Variants in CCDC141 observed in about 807,000 individuals in gnomAD.
The protein encoded by CCDC141 is coiled-coil domain-containing protein 141.
A neutral mutation model predicts 181.0 loss-of-function variants in CCDC141; 168 were observed. The ratio of observed to expected loss-of-function variants is 0.93; its 90% confidence interval spans 0.82 to 1.05. CCDC141 has a LOEUF of 1.05. CCDC141 is among the 50% of genes least tolerant of loss of function. The pLI, the probability that CCDC141 is intolerant of heterozygous loss-of-function variation, is 0.00. For synonymous variants in CCDC141, 666 were observed against 642.3 expected (o/e 1.04, Z -0.56); for missense variants, 1,902 against 1,788.5 (o/e 1.06, Z -1.14).
chr2:178,949,015 A>G (rs1316322006), intron 5 of CCDC141, among the ~76,000 whole-genome samples: 1 of 152,214 alleles, frequency 6.6e-6, no homozygotes, highest in Non-Finnish European at 1.5e-5. Context: ...AAGCAGAAGT[A>G]ACAAAGGGGC....
At chr2:178,969,696 T>C (rs571184457) in intron 4 of CCDC141, among the ~76,000 whole-genome samples, 2 of 152,264 alleles carry the variant, frequency 1.3e-5, no homozygotes, top group African/African-American at 4.8e-5. Flanking sequence ...TTGGAAGCAT[T>C]TCCTTTGAAA....
chr2:179,031,164 ATT>A (rs2042989154), intron 2 of CCDC141, among the ~76,000 whole-genome samples: 2 of 151,354 alleles, frequency 1.3e-5, no homozygotes, highest in Non-Finnish European at 2.9e-5. Flanking sequence ...ATTTATATAT[ATT>A]GGGATAAATT....
At chr2:178,967,007 T>C (rs1212139525) in intron 4 of CCDC141, among the ~76,000 whole-genome samples, 1 of 151,748 alleles carries the variant, frequency 6.6e-6, no homozygotes, top group African/African-American at 2.4e-5. Context: ...ATATCAGTGA[T>C]TGAAGACCAA....
intron 2 of CCDC141, among the ~76,000 whole-genome samples, chr2:179,046,495 G>T (rs1277441757): frequency 6.6e-6 from 1 of 152,222 alleles, no homozygotes; most frequent in Non-Finnish European, 1.5e-5. Flanking sequence ...TGTGGCCAAG[G>T]TGAAGCTTAA....
intron 7 of CCDC141, among the ~76,000 whole-genome samples, chr2:178,917,581 G>T (rs781735743): frequency 6.6e-6 from 1 of 152,070 alleles, no homozygotes; most frequent in African/African-American, 2.4e-5. Context: ...CACATTGTCC[G>T]TTTTGAAAAC....
chr2:178,858,570 A>C (rs1685480553), intron 17 of CCDC141, among the ~76,000 whole-genome samples: 1 of 152,190 alleles, frequency 6.6e-6, no homozygotes, highest in Non-Finnish European at 1.5e-5. Context: ...TGATGGGTTC[A>C]CAACAATGTG....
intron 7 of CCDC141, among the ~76,000 whole-genome samples, chr2:178,914,126 G>A (rs950475971): frequency 6.6e-6 from 1 of 152,110 alleles, no homozygotes; most frequent in Admixed American, 6.5e-5. Flanking sequence ...TAATCCCGAA[G>A]GATGAATATT....
At chr2:178,884,802 T>A in intron 11 of CCDC141, 99 bp downstream of exon 11, 4 of 894,842 alleles carry the variant, frequency 4.5e-6, no homozygotes, top group Non-Finnish European at 6.9e-6. Context: ...GGGTAGAGGA[T>A]ATGGACCTAC....
intron 6 of CCDC141, among the ~76,000 whole-genome samples, chr2:178,921,665 T>C (rs1268523104): frequency 2.0e-5 from 3 of 152,188 alleles, no homozygotes; most frequent in Admixed American, 1.3e-4. Context: ...CAAACTCTTT[T>C]GATTAATAAA....
At chr2:178,843,126 CA>C (rs1684796983) in intron 22 of CCDC141, among the ~76,000 whole-genome samples, 1 of 152,296 alleles carries the variant, frequency 6.6e-6, no homozygotes, top group East Asian at 1.9e-4. Context: ...TGGACATCTA[CA>C]GTATCATTAC....
intron 2 of CCDC141, among the ~76,000 whole-genome samples, chr2:178,993,179 C>A (rs966719212): frequency 6.6e-6 from 1 of 152,122 alleles, no homozygotes; most frequent in African/African-American, 2.4e-5. Context: ...TATTTGTAAG[C>A]CATTGCTATT....
At chr2:179,041,797 A>C (rs149232061) in intron 2 of CCDC141, among the ~76,000 whole-genome samples, 11 of 152,278 alleles carry the variant, frequency 7.2e-5, no homozygotes, top group African/African-American at 2.4e-4. Flanking sequence ...TAAACCAACA[A>C]AGACTAAAAA....
At chr2:179,033,003 A>C (rs1021757044) in intron 2 of CCDC141, among the ~76,000 whole-genome samples, 7 of 147,500 alleles carry the variant, frequency 4.7e-5, no homozygotes, top group Admixed American at 1.4e-4. Flanking sequence ...TATTATATAT[A>C]TATATAATAT....
intron 21 of CCDC141, among the ~76,000 whole-genome samples, chr2:178,849,461 C>T (rs894497882): frequency 2.0e-5 from 3 of 152,214 alleles, no homozygotes; most frequent in Non-Finnish European, 1.5e-5. Context: ...GCTATAAAAA[C>T]AGCATTAATC....
At chr2:178,907,437 G>T (rs1340067747) in intron 7 of CCDC141, among the ~76,000 whole-genome samples, 1 of 152,210 alleles carries the variant, frequency 6.6e-6, no homozygotes, top group Admixed American at 6.6e-5. Context: ...TAAGAAGGAA[G>T]GGCTATGTCA....
intron 4 of CCDC141, among the ~76,000 whole-genome samples, chr2:178,971,211 T>TA (rs879397135): frequency 6.6e-5 from 10 of 151,062 alleles, no homozygotes; most frequent in East Asian, 1.9e-4. Context: ...CCACCTCAAT[T>TA]AAAAAAAAAT....
At position 178,837,696 on chromosome 2, in the gene CCDC141, C is replaced by T. The variant is rs757376410; in HGVS notation, c.3523G>A (p.Glu1175Lys). The change falls in exon 23 of 24, where the codon GAG becomes AAG. Residue 1175 changes from glutamate (E) to lysine (K), a missense_variant. Coordinates refer to ENST00000443758, the MANE Select transcript of CCDC141 (RefSeq NM_173648.4). ...ACCTTCAGGTCTTGTGGTAGTCGCTCTTCCCCTGTTCCATTGATGCCCAAA... is the reference window on the plus strand; with the variant it reads ...ACCTTCAGGTCTTGTGGTAGTCGCTTTTCCCCTGTTCCATTGATGCCCAAA... Reference protein sequence around the residue: ...DLLGINGTGEERLPQDLKVST... With the variant: ...DLLGINGTGEKRLPQDLKVST... The T allele has an allele frequency of 5.6e-6, 9 of 1,613,812 alleles. No individual in the cohort carries two copies. Among genetic ancestry groups the T allele is most frequent in the African/African-American group, 4.0e-5 (3 of 74,936 alleles).
chr2:178,836,753 G>A (rs1575112227), intron 23 of CCDC141, 141 bp downstream of exon 23: 2 of 867,598 alleles, frequency 2.3e-6, no homozygotes, highest in Non-Finnish European at 3.5e-6. Context: ...GGGGTCTGAT[G>A]TGAGATTGAA....
chr2:178,957,743 G>A (rs1276012192), intron 5 of CCDC141, among the ~76,000 whole-genome samples: 9 of 152,086 alleles, frequency 5.9e-5, no homozygotes, highest in African/African-American at 2.2e-4. Context: ...TATGTTTTTT[G>A]AGACAGAGTC....
Sources: gnomAD v4.1 joint callset for allele counts (sites outside exome capture counted in the v4.1 genomes callset) on GRCh38, gnomAD v4.1.1 for gene constraint, MANE v1.5 for transcripts, NCBI Gene and HGNC (gene_info 2026-07-23, HGNC 2026-07-21) for gene names.